The following GABRB2 variants were observed in gnomAD, a reference collection of about 807,000 sequenced individuals.
GABRB2 encodes gamma-aminobutyric acid receptor subunit beta-2.
GABRB2 carries 16 observed loss-of-function variants against 54.7 expected under a neutral mutation model. That is an observed-to-expected ratio of 0.29 (90% CI 0.20 to 0.44). The LOEUF (loss-of-function observed/expected upper bound fraction) is 0.44. Ranked by LOEUF, GABRB2 falls within the 20% of genes least tolerant of loss-of-function variation. GABRB2 has a pLI of 1.00. For missense variants in GABRB2, 355 were observed against 644.0 expected (o/e 0.55, Z 4.86); for synonymous variants, 244 against 233.8 (o/e 1.04, Z -0.40).
At chr5:161,476,790 C>A (rs1463024066) in intron 3 of GABRB2, among the ~76,000 whole-genome samples, 1 of 151,482 alleles carries the variant, frequency 6.6e-6, no homozygotes, top group Non-Finnish European at 1.5e-5. Context: ...AAAAATTAAC[C>A]CAAAATGGAT....
chr5:161,498,632 G>A (rs1419198730), intron 3 of GABRB2, among the ~76,000 whole-genome samples: 1 of 152,120 alleles, frequency 6.6e-6, no homozygotes, highest in Non-Finnish European at 1.5e-5. Context: ...CTGTCATAAT[G>A]TAAAAGAGTC....
chr5:161,330,751 T>A (rs1461874278), intron 8 of GABRB2, 132 bp downstream of exon 8: 4 of 1,266,594 alleles, frequency 3.2e-6, no homozygotes, highest in South Asian at 1.4e-5. Flanking sequence ...ATTGTTTGTG[T>A]GCTTTGGGGA....
At chr5:161,309,309 A>T (rs1441082466) in intron 9 of GABRB2, among the ~76,000 whole-genome samples, 1 of 152,232 alleles carries the variant, frequency 6.6e-6, no homozygotes, top group African/African-American at 2.4e-5. Context: ...ACAATGAGAT[A>T]CCATCTCACA....
rs745776124 is a variant in GABRB2, at chr5:161,334,913, G to C, written c.680-9C>G. On this transcript the variant is annotated splice_polypyrimidine_tract_variant and intron_variant, in intron 6 of 9. Transcript: ENST00000393959. ...TAACCTGGGATAGGAACCTAGAAAG[G>C]CAATTTTAGAACATCATCATTATCA... 1.2e-6 allele frequency: 2 copies of C among 1,612,876 alleles called. No homozygotes were observed. Among genetic ancestry groups the C allele is most frequent in the Non-Finnish European group, 1.7e-6 (2 of 1,179,212 alleles).
intron 4 of GABRB2, among the ~76,000 whole-genome samples, chr5:161,420,107 C>G (rs1018989492): frequency 1.3e-5 from 2 of 152,066 alleles, no homozygotes; most frequent in Admixed American, 1.3e-4. Flanking sequence ...ATGCCAGATA[C>G]TTTTTATTGC....
At chr5:161,437,018 A>C (rs565378526) in intron 4 of GABRB2, among the ~76,000 whole-genome samples, 55 of 152,278 alleles carry the variant, frequency 3.6e-4, no homozygotes, top group African/African-American at 1.3e-3. Context: ...CTCAAGGGCT[A>C]CAGTACTCTG....
At chr5:161,414,293 A>G (rs1227686810) in intron 4 of GABRB2, among the ~76,000 whole-genome samples, 1 of 152,100 alleles carries the variant, frequency 6.6e-6, no homozygotes, top group Non-Finnish European at 1.5e-5. Context: ...TTTCAATGAA[A>G]ACTTGCCACC....
intron 9 of GABRB2, among the ~76,000 whole-genome samples, chr5:161,313,287 C>A (rs758269043): frequency 6.6e-6 from 1 of 152,122 alleles, no homozygotes; most frequent in Non-Finnish European, 1.5e-5. Flanking sequence ...ATCCTTTAAA[C>A]CTCTTTCCAG....
rs926053084 is a variant in GABRB2 at position 161,330,247 on chromosome 5, G to A, written c.1077+636C>T. The A allele has an allele frequency of 5.9e-5, 9 of 152,290 alleles. 1 individual carries two copies. Among genetic ancestry groups the A allele is most frequent in the Admixed American group, 5.9e-4 (9 of 15,304 alleles). 9.4% of individuals were successfully genotyped at this position (152,290 alleles called of 1,614,324 possible). On this transcript the variant is annotated intron_variant, in intron 8 of 9. Transcript: ENST00000393959. ...AGATGGTGGCCTCATATAGTCAAATGCTGCAATGATAAGTGGTATATGTGC... is the reference window on the plus strand; with the variant it reads ...AGATGGTGGCCTCATATAGTCAAATACTGCAATGATAAGTGGTATATGTGC...
At chr5:161,481,717 T>C (rs1466501579) in intron 3 of GABRB2, among the ~76,000 whole-genome samples, 1 of 152,022 alleles carries the variant, frequency 6.6e-6, no homozygotes, top group Non-Finnish European at 1.5e-5. Context: ...AGTATGGTAA[T>C]ACTCTTATAA....
chr5:161,312,069 A>T (rs1010060096), intron 9 of GABRB2, among the ~76,000 whole-genome samples: 2 of 151,800 alleles, frequency 1.3e-5, no homozygotes, highest in Non-Finnish European at 1.5e-5. Context: ...TGCTAAATCA[A>T]TCTCAACCAA....
intron 4 of GABRB2, among the ~76,000 whole-genome samples, chr5:161,442,287 T>C (rs1254894451): frequency 6.6e-6 from 1 of 152,162 alleles, no homozygotes; most frequent in Non-Finnish European, 1.5e-5. Flanking sequence ...AATGATTGAA[T>C]AAGCATATGA....
chr5:161,486,723 C>G (rs1758937106), intron 3 of GABRB2, among the ~76,000 whole-genome samples: 1 of 151,906 alleles, frequency 6.6e-6, no homozygotes, highest in South Asian at 2.1e-4. Flanking sequence ...CCATTCAGTT[C>G]TATCCTCCTA....
At chr5:161,373,246 G>A (rs1580927537) in intron 5 of GABRB2, among the ~76,000 whole-genome samples, 1 of 152,294 alleles carries the variant, frequency 6.6e-6, no homozygotes, top group Non-Finnish European at 1.5e-5. Context: ...TCACAGACAT[G>A]CAAGTTCTGC....
intron 3 of GABRB2, among the ~76,000 whole-genome samples, chr5:161,471,519 G>C (rs1284345010): frequency 6.6e-6 from 1 of 151,940 alleles, no homozygotes; most frequent in African/African-American, 2.4e-5. Context: ...CACCCATAAG[G>C]GAAATCCAAG....
Position 161,427,614 on chromosome 5 carries a change from G to T in GABRB2, c.459-16557C>A, listed in dbSNP as rs549901785. ...AGCCTCAGCACAACTTTGTTAATTT[G>T]GGTTGTAATGAATTTTAGCTTAAAA... On this transcript the variant is annotated intron_variant, in intron 4 of 9. Transcript: ENST00000393959. 5.3e-5 allele frequency among the ~76,000 whole-genome samples: 8 copies of T among 151,494 alleles called. No individual in the cohort carries two copies. The East Asian group carries it at 1.6e-3, about 29-fold the overall frequency.
intron 5 of GABRB2, among the ~76,000 whole-genome samples, chr5:161,358,285 C>T (rs112546884): frequency 0.024 from 3,661 of 152,094 alleles, 148 homozygotes; most frequent in African/African-American, 0.083. Flanking sequence ...CCTGGATTGT[C>T]CATTTAAGTT....
intron 5 of GABRB2, among the ~76,000 whole-genome samples, chr5:161,408,971 T>C (rs1053161563): frequency 6.6e-6 from 1 of 152,094 alleles, no homozygotes; most frequent in Admixed American, 6.6e-5. Flanking sequence ...GACAACCTAT[T>C]TACAACAATA....
At chr5:161,392,087 C>A (rs112534530) in intron 5 of GABRB2, among the ~76,000 whole-genome samples, 23 of 152,294 alleles carry the variant, frequency 1.5e-4, no homozygotes, top group African/African-American at 5.3e-4. Context: ...ACCATGACAG[C>A]AGAGTATTAA....
Sources: gnomAD v4.1 joint callset for allele counts (sites outside exome capture counted in the v4.1 genomes callset) on GRCh38, gnomAD v4.1.1 for gene constraint, MANE v1.5 for transcripts, NCBI Gene and HGNC (gene_info 2026-07-23, HGNC 2026-07-21) for gene names.